MAP2K5: variants seen among roughly 807,000 people sequenced by gnomAD.
MAP2K5 encodes dual specificity mitogen-activated protein kinase kinase 5.
MAP2K5 carries 49 observed loss-of-function variants against 83.1 expected under a neutral mutation model. The observed-to-expected ratio is 0.59, with a 90% CI of 0.47 to 0.75. The LOEUF (loss-of-function observed/expected upper bound fraction) is 0.75. Among genes scored for constraint, MAP2K5 ranks in the 30% least tolerant of loss-of-function variants. The pLI is 0.00. For missense variants in MAP2K5, 457 were observed against 557.5 expected, an observed-to-expected ratio of 0.82 and a Z score of 1.82; for synonymous variants, 202 against 191.8, an observed-to-expected ratio of 1.05 and a Z score of -0.44.
chr15:67,610,508 G>C (rs146846275), intron 8 of MAP2K5, among the ~76,000 whole-genome samples: 193 of 152,272 alleles, frequency 1.3e-3, no homozygotes, highest in Non-Finnish European at 2.2e-3. Context: ...GCAAATATTT[G>C]TGTACCATAG....
In MAP2K5 at chr15:67,750,086, T is replaced by G. The variant is rs1441292889; in HGVS notation, c.1134+1485T>G. ...AAAGTAACAGTTATTGCTGTTCAAT[T>G]TAAAATATCTTACTTGTTTAATTTG... On this transcript the variant is annotated intron_variant, in intron 19 of 21. Coordinates refer to ENST00000178640, the MANE Select transcript of MAP2K5 (RefSeq NM_145160.3). The surrounding 1 kb of genome is among the most constrained non-coding windows in gnomAD (Gnocchi z 4.2). 6.6e-6 allele frequency among the ~76,000 whole-genome samples: 1 copy of G among 152,262 alleles called. No individual in the cohort carries two copies. The highest frequency in any genetic ancestry group is 1.5e-5 in the Non-Finnish European group (1 of 68,048).
intron 21 of MAP2K5, among the ~76,000 whole-genome samples, chr15:67,787,008 G>A (rs938982323): frequency 1.2e-4 from 19 of 152,310 alleles, no homozygotes; most frequent in African/African-American, 3.8e-4. Flanking sequence ...TGGAAATGAT[G>A]GGGTAAAGTT....
At position 67,552,501 on chromosome 15, in the gene MAP2K5, G is replaced by A. The variant is rs1004322215; in HGVS notation, c.184+2419G>A. On this transcript the variant is annotated intron_variant, in intron 2 of 21. Coordinates refer to ENST00000178640, the MANE Select transcript of MAP2K5 (RefSeq NM_145160.3). The surrounding 1 kb of genome is among the most constrained non-coding windows in gnomAD (Gnocchi z 4.2). ...CCAGGCTGGAGTGCAGTGACATGATGATAGCTCACTGCAGCCTTAAACTCC... is the reference window on the plus strand; with the variant it reads ...CCAGGCTGGAGTGCAGTGACATGATAATAGCTCACTGCAGCCTTAAACTCC... Among the ~76,000 whole-genome samples the A allele has an allele frequency of 1.3e-5, 2 of 152,102 alleles. No individual in the cohort carries two copies. Among genetic ancestry groups the A allele is most frequent in the Admixed American group, 6.5e-5 (1 of 15,282 alleles).
intron 21 of MAP2K5, among the ~76,000 whole-genome samples, chr15:67,803,819 T>C (rs1436534573): frequency 6.6e-6 from 1 of 152,184 alleles, no homozygotes; most frequent in Admixed American, 6.5e-5. Flanking sequence ...AGAAACAAGA[T>C]GAGGGGGAAT....
At chr15:67,549,004 G>A in intron 1 of MAP2K5, 3 of 1,419,800 alleles carry the variant, frequency 2.1e-6, no homozygotes, top group Non-Finnish European at 2.7e-6. Flanking sequence ...GAAGGAAGTT[G>A]CAGCCACTCT....
intron 8 of MAP2K5, among the ~76,000 whole-genome samples, chr15:67,617,124 G>A (rs1449351529): frequency 6.6e-6 from 1 of 152,108 alleles, no homozygotes; most frequent in Admixed American, 6.5e-5. Context: ...AGGCAAAAAA[G>A]GGGTATTTCC....
Position 67,640,333 on chromosome 15 carries a change from G to A in MAP2K5, c.586-5898G>A, listed in dbSNP as rs940580951. 6.6e-6 allele frequency among the ~76,000 whole-genome samples: 1 copy of A among 152,120 alleles called. No homozygotes were observed. Among genetic ancestry groups the A allele is most frequent in the Non-Finnish European group, 1.5e-5 (1 of 68,032 alleles). ...AATATCTCATAGCGTTCTTTATATGGACCATTGCTCTCACCCAGAATATTT... is the reference window on the plus strand; with the variant it reads ...AATATCTCATAGCGTTCTTTATATGAACCATTGCTCTCACCCAGAATATTT... On this transcript the variant is annotated intron_variant, in intron 9 of 21. Transcript: ENST00000178640. This position sits in a 1 kb window ranked among gnomAD's most constrained non-coding sequence, Gnocchi z 4.6.
chr15:67,766,396 C>CA (rs1283922523), intron 19 of MAP2K5, among the ~76,000 whole-genome samples: 2 of 152,208 alleles, frequency 1.3e-5, no homozygotes, highest in East Asian at 3.8e-4. Flanking sequence ...AATTTAGAGT[C>CA]AGTGTCAGCC....
chr15:67,741,467 G>C (rs1328017034), intron 17 of MAP2K5, among the ~76,000 whole-genome samples: 1 of 152,200 alleles, frequency 6.6e-6, no homozygotes, highest in African/African-American at 2.4e-5. Context: ...TCCTGTCTGA[G>C]AGGGGAACAG....
rs2089812389 is a variant in MAP2K5, at chr15:67,755,301, G to T, written c.1134+6700G>T. On this transcript the variant is annotated intron_variant, in intron 19 of 21. Transcript: ENST00000178640. This position sits in a 1 kb window ranked among gnomAD's most constrained non-coding sequence, Gnocchi z 4.7. ...CTTTTAGAAGCTTTTTAGTAACATT[G>T]TTATAAAGTAGGCTCTTCCCTTATT... Among the ~76,000 whole-genome samples, 1 of 152,042 alleles carries T rather than the reference G, an allele frequency of 6.6e-6. No homozygotes were observed. Among genetic ancestry groups the T allele is most frequent in the South Asian group, 2.1e-4 (1 of 4,818 alleles).
Position 67,748,590 on chromosome 15 carries a change from A to G in MAP2K5, c.1123A>G (p.Ile375Val). The change falls in exon 19 of 22, where the codon ATT becomes GTT. Residue 375 changes from isoleucine (I) to valine (V), a missense_variant. Transcript: ENST00000178640. This position sits in a 1 kb window ranked among gnomAD's most constrained non-coding sequence, Gnocchi z 4.0. ...GCAGCCTCTCCAGCTTCTGCAGTGC[A>G]TTGTTGATGAGGTGAGGCATCGTCT... ...SLMPLQLLQC[I>V]VDEDSPVLPV... 2.5e-6 allele frequency: 4 copies of G among 1,613,948 alleles called. No individual in the cohort carries two copies. Among genetic ancestry groups the G allele is most frequent in the Non-Finnish European group, 2.5e-6 (3 of 1,179,938 alleles).
intron 2 of MAP2K5, among the ~76,000 whole-genome samples, chr15:67,553,635 C>T (rs1049882499): frequency 2.0e-5 from 3 of 152,040 alleles, no homozygotes; most frequent in African/African-American, 7.2e-5. Context: ...TAGTTGAGGC[C>T]GGGCGTGGTG....
intron 6 of MAP2K5, among the ~76,000 whole-genome samples, chr15:67,589,607 A>G (rs574596315): frequency 7.2e-5 from 11 of 152,366 alleles, no homozygotes; most frequent in South Asian, 2.1e-4. Flanking sequence ...TATAAATGCA[A>G]TGAATCAAAA....
intron 8 of MAP2K5, among the ~76,000 whole-genome samples, chr15:67,609,944 G>A (rs1330652718): frequency 6.6e-6 from 1 of 151,970 alleles, no homozygotes; most frequent in Non-Finnish European, 1.5e-5. Flanking sequence ...GATGGACAGG[G>A]CTTGATCATG....
chr15:67,575,210 C>A (rs1385497927), intron 3 of MAP2K5, among the ~76,000 whole-genome samples: 2 of 152,130 alleles, frequency 1.3e-5, no homozygotes, highest in Non-Finnish European at 2.9e-5. Context: ...GTAGTTGAAA[C>A]TTTGAAGTGG....
intron 16 of MAP2K5, among the ~76,000 whole-genome samples, chr15:67,715,216 TGTCTTTTTTTTG>T (rs1468102386): frequency 4.7e-5 from 7 of 147,510 alleles, no homozygotes; most frequent in Non-Finnish European, 9.0e-5. Context: ...TTTTTTCCAC[TGTCTTTTTTTTG>T]GGCGGGGAGG....
Position 67,772,769 on chromosome 15 carries a change from A to G in MAP2K5, c.1242+17A>G. 1 of 1,589,744 alleles carries G rather than the reference A, an allele frequency of 6.3e-7. No homozygotes were observed. The highest frequency in any genetic ancestry group is 8.6e-7 in the Non-Finnish European group (1 of 1,166,896). ...GAATTGATGGTAAGTGAATGTTTTT[A>G]GTTACATTAGAATTCTCAGTTATAT... On this transcript the variant is annotated intron_variant, in intron 21 of 21. Transcript: ENST00000178640.
Position 67,636,187 on chromosome 15 carries a change from C to A in MAP2K5, c.585+5260C>A, listed in dbSNP as rs1034312832. Among the ~76,000 whole-genome samples, 1 of 152,088 alleles carries A rather than the reference C, an allele frequency of 6.6e-6. No homozygotes were observed. The highest frequency in any genetic ancestry group is 1.5e-5 in the Non-Finnish European group (1 of 68,000). On this transcript the variant is annotated intron_variant, in intron 9 of 21. Transcript: ENST00000178640. The surrounding 1 kb of genome is among the most constrained non-coding windows in gnomAD (Gnocchi z 4.7). ...CAGCACTTTGAAAGGCTGAGGTGGGCGGATCATGAGGTCAGGAGATCGAGA... is the reference window on the plus strand; with the variant it reads ...CAGCACTTTGAAAGGCTGAGGTGGGAGGATCATGAGGTCAGGAGATCGAGA...
At chr15:67,615,592 G>A (rs1172984269) in intron 8 of MAP2K5, among the ~76,000 whole-genome samples, 1 of 151,958 alleles carries the variant, frequency 6.6e-6, no homozygotes, top group African/African-American at 2.4e-5. Flanking sequence ...TCGAAGCTTG[G>A]CCATTAGTCC....
Sources: allele counts gnomAD v4.1 joint callset (sites outside exome capture counted in the v4.1 genomes callset), GRCh38; gene constraint gnomAD v4.1.1; non-coding constraint Gnocchi (gnomAD v3.1); transcripts MANE v1.5; gene names NCBI Gene and HGNC (gene_info 2026-07-23, HGNC 2026-07-21).